Variants in SLC27A5 observed in about 807,000 individuals in gnomAD.
SLC27A5 encodes the protein long-chain fatty acid transport protein 5.
A neutral mutation model predicts 63.1 loss-of-function variants in SLC27A5; 47 were observed. That is an observed-to-expected ratio of 0.74 (90% CI 0.59 to 0.95). The LOEUF (loss-of-function observed/expected upper bound fraction) is 0.95. SLC27A5 is among the 40% of genes least tolerant of loss of function. The probability of loss-of-function intolerance (pLI) is 0.00; values close to 1 mark genes in which losing one functional copy is unlikely to be tolerated. For synonymous variants in SLC27A5, 391 were observed against 403.8 expected (o/e 0.97, Z 0.38); for missense variants, 940 against 921.0 (o/e 1.02, Z -0.27).
intron 3 of SLC27A5, among the ~76,000 whole-genome samples, chr19:58,505,862 A>C (rs2053339808): frequency 6.6e-6 from 1 of 150,836 alleles, no homozygotes; most frequent in Non-Finnish European, 1.5e-5. Flanking sequence ...AAAAAAAAAA[A>C]AAACATTTGG....
Position 58,500,583 on chromosome 19 carries a change from C to T in SLC27A5, c.1306G>A (p.Glu436Lys). Residue 436 changes from glutamate to lysine, a missense_variant, in exon 5 of 10, where the codon GAA (glutamate) becomes AAA (lysine). By Grantham distance (56) the Glu-to-Lys change is moderately conservative (BLOSUM62 1). Coordinates refer to ENST00000263093, the MANE Select transcript of SLC27A5 (RefSeq NM_012254.3). Reference protein sequence around the residue: ...IRIWEVYGSTEGNMGLVNYVG... With the variant: ...IRIWEVYGSTKGNMGLVNYVG... ...TAGTTGACTAAGCCCATGTTGCCTTCTGTGGAGCCGTAGACTTCCCAGATC... is the reference window on the plus strand; with the variant it reads ...TAGTTGACTAAGCCCATGTTGCCTTTTGTGGAGCCGTAGACTTCCCAGATC... The T allele has an allele frequency of 1.9e-6, 3 of 1,614,168 alleles. No individual in the cohort carries two copies. The highest frequency in any genetic ancestry group is 2.5e-6 in the Non-Finnish European group (3 of 1,180,046).
intron 3 of SLC27A5, among the ~76,000 whole-genome samples, chr19:58,507,066 A>G (rs967057043): frequency 7.9e-5 from 12 of 151,740 alleles, no homozygotes; most frequent in Non-Finnish European, 1.6e-4. Context: ...TTAAAAAAAA[A>G]AGAAAAATTT....
intron 3 of SLC27A5, 192 bp downstream of exon 3, chr19:58,509,655 G>A: frequency 2.0e-6 from 1 of 510,200 alleles, no homozygotes; most frequent in Admixed American, 3.6e-5. Context: ...ACCAAAGCAT[G>A]GCCATCAGGG....
At position 58,498,824 on chromosome 19, in the gene SLC27A5, C is replaced by G; in HGVS notation, c.1857G>C (p.Trp619Cys). The change falls in exon 9 of 10, where the codon TGG (tryptophan) becomes TGC (cysteine). Residue 619 changes from tryptophan (W) to cysteine (C), a missense_variant. By Grantham distance (215) the Trp-to-Cys change is radical (BLOSUM62 -2). Transcript: ENST00000263093. ...AATGGGGGGTAGCGTAGGCAGGGAG[C>G]CAAGCGCGAACGTGCTGGTACAACT... ...GEKLYQHVRA[W>C]LPAYATPHFI... 1 of 1,613,986 alleles carries G rather than the reference C, an allele frequency of 6.2e-7. No homozygotes were observed. The highest frequency in any genetic ancestry group is 2.2e-5 in the East Asian group (1 of 44,880).
At chr19:58,511,049 G>T (rs1600047235) in intron 1 of SLC27A5, 119 bp from the exon 2 acceptor site, 1 of 979,638 alleles carries the variant, frequency 1.0e-6, no homozygotes, top group East Asian at 2.6e-5. Flanking sequence ...CATCCATGTT[G>T]TTTGGTAAAG....
At chr19:58,499,097 A>C (rs758614063) in intron 8 of SLC27A5, 26 bp downstream of exon 8, 3 of 1,613,122 alleles carry the variant, frequency 1.9e-6, no homozygotes, top group Non-Finnish European at 2.5e-6. Context: ...AAGCTGTTGG[A>C]AGTTTAAAAT....
Position 58,499,231 on chromosome 19 carries a change from G to T in SLC27A5, c.1668-11C>A. On this transcript the variant is annotated splice_polypyrimidine_tract_variant and intron_variant, in intron 7 of 9. Transcript: ENST00000263093. ...TTCTCGCCCTTCCATCTGCAAGGAG[G>T]GAGCCGGCGCTTGTGACCACGCCCC... 3.7e-6 allele frequency: 6 copies of T among 1,612,416 alleles called. No individual in the cohort carries two copies. Among genetic ancestry groups the T allele is most frequent in the Non-Finnish European group, 5.1e-6 (6 of 1,179,220 alleles).
rs780522661 is a variant in SLC27A5, at chr19:58,499,559, C to T, written c.1600G>A (p.Gly534Arg). The stretch of plus-strand genomic sequence containing the variant: ...TCGCGGTCCATGGCCAGTACGTCCC[C>T]GGTGTTGTAGTAAACGTCGCCCGAT... ...RQSGDVYYNT[G>R]DVLAMDREGF... Residue 534 changes from glycine (G) to arginine (R), a missense_variant, in exon 7 of 10, where the codon GGG becomes AGG. Coordinates refer to ENST00000263093, the MANE Select transcript of SLC27A5 (RefSeq NM_012254.3). 2 of 1,613,028 alleles carry T rather than the reference C, an allele frequency of 1.2e-6. No individual in the cohort carries two copies. Among genetic ancestry groups the T allele is most frequent in the African/African-American group, 1.3e-5 (1 of 74,878 alleles).
intron 3 of SLC27A5, among the ~76,000 whole-genome samples, chr19:58,503,325 ATGTT>A (rs943247502): frequency 7.9e-5 from 12 of 151,768 alleles, no homozygotes; most frequent in Non-Finnish European, 1.5e-4. Flanking sequence ...GGGTTGGTGA[ATGTT>A]TGTATGGTTG....
intron 3 of SLC27A5, chr19:58,507,249 C>G (rs747682069): frequency 6.6e-5 from 10 of 151,920 alleles, no homozygotes; most frequent in Non-Finnish European, 1.5e-4. Context: ...AACAGCTACT[C>G]GGGATGCTGA....
At chr19:58,503,930 G>A (rs62117658) in intron 3 of SLC27A5, among the ~76,000 whole-genome samples, 10,741 of 151,884 alleles carry the variant, frequency 0.071, 879 homozygotes, top group East Asian at 0.4. Context: ...CTGGCCAACA[G>A]GGCGAAACCC....
rs767461754 is a variant in SLC27A5, at chr19:58,511,394, G to A, written c.562C>T (p.Leu188=). 4.4e-6 allele frequency: 7 copies of A among 1,608,846 alleles called. No individual in the cohort carries two copies. Among genetic ancestry groups the A allele is most frequent in the African/African-American group, 2.7e-5 (2 of 74,904 alleles). ...TTGGCCAGCCCCAGCCACATACACA[G>A]GGCTGGAACGGCCTGGGAAGCCAGC... ...LVLASQAVPA[L]CMWLGLAKLG... The change falls in exon 1 of 10, where the codon CTG becomes TTG. Residue 188 remains leucine, a synonymous_variant. Transcript: ENST00000263093.
chr19:58,499,735 A>C (rs747189295), intron 6 of SLC27A5, 45 bp from the exon 7 acceptor site: 4 of 1,587,506 alleles, frequency 2.5e-6, no homozygotes, highest in Non-Finnish European at 2.6e-6. Flanking sequence ...CCACCAGCCA[A>C]GCCCCCTGCT....
intron 3 of SLC27A5, among the ~76,000 whole-genome samples, chr19:58,504,203 T>A (rs191445068): frequency 1.3e-5 from 2 of 152,360 alleles, no homozygotes; most frequent in African/African-American, 2.4e-5. Flanking sequence ...CATCATATGA[T>A]ATTAAGGACA....
At chr19:58,510,526 A>G in intron 2 of SLC27A5, 195 bp downstream of exon 2, 1 of 527,908 alleles carries the variant, frequency 1.9e-6, no homozygotes, top group South Asian at 3.0e-5. Context: ...GTGAGCCGAG[A>G]TTGCACCACT....
chr19:58,504,692 G>T (rs1294795896), intron 3 of SLC27A5, among the ~76,000 whole-genome samples: 1 of 135,490 alleles, frequency 7.4e-6, no homozygotes. Context: ...AAACAAAAAA[G>T]AAACAGGGAA....
rs780464684 is a variant in SLC27A5 at position 58,501,353 on chromosome 19, C to A, written c.1115G>T (p.Arg372Leu). ...CAGGATCACTGTCACGCCATGCTGC[C>A]GACAGTCATCCCAGAAGCAGGAAGT... ...FSTSCFWDDC[R>L]QHGVTVILYV... The change falls in exon 4 of 10, where the codon CGG becomes CTG. Residue 372 changes from arginine to leucine, a missense_variant. Physicochemically the swap from Arg to Leu is moderately radical, Grantham distance 102 (BLOSUM62 -2). Coordinates refer to ENST00000263093, the MANE Select transcript of SLC27A5 (RefSeq NM_012254.3). 1.5e-5 allele frequency: 25 copies of A among 1,613,752 alleles called. No individual in the cohort carries two copies. Among genetic ancestry groups the A allele is most frequent in the African/African-American group, 2.7e-5 (2 of 75,008 alleles).
chr19:58,503,063 G>C (rs1007404181), intron 3 of SLC27A5, among the ~76,000 whole-genome samples: 2 of 152,106 alleles, frequency 1.3e-5, no homozygotes, highest in African/African-American at 2.4e-5. Context: ...AAATTAGCTG[G>C]GCGTGGTAGC....
At chr19:58,503,933 C>T (rs1054032307) in intron 3 of SLC27A5, among the ~76,000 whole-genome samples, 35 of 152,110 alleles carry the variant, frequency 2.3e-4, no homozygotes, top group African/African-American at 8.4e-4. Context: ...GCCAACAGGG[C>T]GAAACCCTGT....
Sources: allele counts gnomAD v4.1 joint callset (sites outside exome capture counted in the v4.1 genomes callset), GRCh38; gene constraint gnomAD v4.1.1; transcripts MANE v1.5; gene names NCBI Gene and HGNC (gene_info 2026-07-23, HGNC 2026-07-21).